The following NRXN3 variants were observed in gnomAD, a reference collection of about 807,000 sequenced individuals.
NRXN3 encodes neurexin 3, also known as neurexin III.
In NRXN3, 32 loss-of-function variants were observed where a neutral mutation model predicts 137.6. That is an observed-to-expected ratio of 0.23 (90% CI 0.18 to 0.31). The LOEUF (loss-of-function observed/expected upper bound fraction) is 0.31, where lower values mean the gene tolerates loss of function less well. NRXN3 is among the 10% of genes least tolerant of loss of function. The pLI is 1.00. For synonymous variants in NRXN3, 798 were observed against 784.5 expected (o/e 1.02, Z -0.29); for missense variants, 1,574 against 2,062.5 (o/e 0.76, Z 4.59).
At chr14:79,643,915 T>C (rs2098443372) in intron 16 of NRXN3, among the ~76,000 whole-genome samples, 1 of 135,898 alleles carries the variant, frequency 7.4e-6, no homozygotes. Flanking sequence ...TTGACAGCTA[T>C]TTTGACTATG....
chr14:78,744,576 C>T (rs2098598517), intron 8 of NRXN3: 1 of 152,160 alleles, frequency 6.6e-6, no homozygotes, highest in Admixed American at 6.5e-5. Context: ...ACATTATTCC[C>T]ATTTTATAGA....
intron 4 of NRXN3, among the ~76,000 whole-genome samples, chr14:78,327,087 TTAA>T (rs1226671409): frequency 6.6e-6 from 1 of 152,188 alleles, no homozygotes; most frequent in East Asian, 1.9e-4. Context: ...AATATTATTA[TTAA>T]GTGAACTAAT....
intron 16 of NRXN3, among the ~76,000 whole-genome samples, chr14:79,596,679 G>A (rs2097861857): frequency 6.6e-6 from 1 of 152,130 alleles, no homozygotes; most frequent in South Asian, 2.1e-4. Context: ...AATTTATGGT[G>A]GGGTTGGAAT....
At chr14:79,746,037 G>A (rs1042632885) in intron 19 of NRXN3, among the ~76,000 whole-genome samples, 9 of 152,054 alleles carry the variant, frequency 5.9e-5, no homozygotes, top group African/African-American at 1.4e-4. Context: ...CTGAGGTAGC[G>A]GGGATTAGAA....
At chr14:79,641,333 G>T (rs1483259221) in intron 16 of NRXN3, among the ~76,000 whole-genome samples, 1 of 135,246 alleles carries the variant, frequency 7.4e-6, no homozygotes, top group Non-Finnish European at 1.7e-5. Flanking sequence ...AGTAAAAGTT[G>T]CATGGTCGTT....
At chr14:78,213,933 T>C (rs748416535) in intron 1 of NRXN3, among the ~76,000 whole-genome samples, 3 of 152,236 alleles carry the variant, frequency 2.0e-5, no homozygotes, top group African/African-American at 4.8e-5. Flanking sequence ...GCTCAGCTCA[T>C]GTGAGCATGT....
chr14:78,900,538 T>A (rs890855447), intron 10 of NRXN3, among the ~76,000 whole-genome samples: 1 of 151,858 alleles, frequency 6.6e-6, no homozygotes, highest in Non-Finnish European at 1.5e-5. Context: ...GAAATCCTTT[T>A]CTCTCTCTTC....
At chr14:79,441,032 T>G (rs1031019442) in intron 15 of NRXN3, among the ~76,000 whole-genome samples, 11 of 152,216 alleles carry the variant, frequency 7.2e-5, no homozygotes, top group Non-Finnish European at 1.0e-4. Flanking sequence ...CTCTGATAAT[T>G]GACCAATGTG....
intron 15 of NRXN3, among the ~76,000 whole-genome samples, chr14:79,076,977 A>G (rs932324101): frequency 1.3e-5 from 2 of 152,078 alleles, no homozygotes; most frequent in Admixed American, 1.3e-4. Flanking sequence ...AAAAACAAAG[A>G]GTCTCTCTGT....
chr14:78,191,741 A>G (rs1377793264), intron 1 of NRXN3, among the ~76,000 whole-genome samples: 1 of 152,154 alleles, frequency 6.6e-6, no homozygotes, highest in Admixed American at 6.5e-5. Context: ...TGAGATGGAA[A>G]TGATGGGGGA....
At chr14:79,528,562 C>T (rs1171653860) in intron 16 of NRXN3, among the ~76,000 whole-genome samples, 1 of 151,604 alleles carries the variant, frequency 6.6e-6, no homozygotes, top group Non-Finnish European at 1.5e-5. Flanking sequence ...TATGTATATA[C>T]AGTATATTCA....
chr14:79,156,213 C>T (rs760248822), intron 15 of NRXN3, among the ~76,000 whole-genome samples: 2 of 151,732 alleles, frequency 1.3e-5, no homozygotes, highest in Admixed American at 6.6e-5. Context: ...TTAGAGTAAC[C>T]GTTTTACAGA....
chr14:79,343,537 T>C (rs1433247889), intron 15 of NRXN3, among the ~76,000 whole-genome samples: 1 of 152,086 alleles, frequency 6.6e-6, no homozygotes, highest in African/African-American at 2.4e-5. Flanking sequence ...CCTAGAGCAT[T>C]TTTTTCTTTC....
chr14:78,346,957 G>A (rs2082822061), intron 4 of NRXN3, among the ~76,000 whole-genome samples: 1 of 152,208 alleles, frequency 6.6e-6, no homozygotes, highest in Non-Finnish European at 1.5e-5. Context: ...AAGGGTGATG[G>A]ATGGTGTGGG....
At position 79,865,176 on chromosome 14, in the gene NRXN3, T is replaced by TA. The variant is rs1191302812; in HGVS notation, c.*3212_*3213insA. 6.6e-6 allele frequency: 1 copy of TA among 152,194 alleles called. No homozygotes were observed. Among genetic ancestry groups the TA allele is most frequent in the Non-Finnish European group, 1.5e-5 (1 of 68,028 alleles). 9.4% of individuals were successfully genotyped at this position (152,194 alleles called of 1,614,324 possible). On this transcript the variant is annotated 3_prime_UTR_variant, in exon 21 of 21. Coordinates refer to ENST00000335750, the MANE Select transcript of NRXN3 (RefSeq NM_001330195.2). ...AAGCACTAGAAAGTCTTAGATGTCTTCTTTCCAAGCCTCCCACCATATTAA... is the reference window on the plus strand; with the variant it reads ...AAGCACTAGAAAGTCTTAGATGTCTTACTTTCCAAGCCTCCCACCATATTAA...
chr14:79,631,227 A>G (rs1315277916), intron 16 of NRXN3, among the ~76,000 whole-genome samples: 1 of 152,250 alleles, frequency 6.6e-6, no homozygotes, highest in Admixed American at 6.5e-5. Context: ...ATTATAGTCA[A>G]TTGCCAACAG....
intron 16 of NRXN3, among the ~76,000 whole-genome samples, chr14:79,496,628 T>C (rs1358408050): frequency 6.6e-6 from 1 of 152,194 alleles, no homozygotes; most frequent in Non-Finnish European, 1.5e-5. Flanking sequence ...ATAGTGTGTT[T>C]AGATTGATGG....
chr14:79,679,360 A>G (rs1198984894), intron 17 of NRXN3, among the ~76,000 whole-genome samples: 1 of 152,186 alleles, frequency 6.6e-6, no homozygotes, highest in Non-Finnish European at 1.5e-5. Context: ...CATGTTCCTC[A>G]GATAGCCAAG....
intron 15 of NRXN3, among the ~76,000 whole-genome samples, chr14:79,244,290 A>T (rs1180120009): frequency 6.6e-6 from 1 of 152,134 alleles, no homozygotes; most frequent in Non-Finnish European, 1.5e-5. Flanking sequence ...GCTCCCTGAC[A>T]TCTAAAATGG....
Sources: gnomAD v4.1 joint callset for allele counts (sites outside exome capture counted in the v4.1 genomes callset) on GRCh38, gnomAD v4.1.1 for gene constraint, MANE v1.5 for transcripts, NCBI Gene and HGNC (gene_info 2026-07-23, HGNC 2026-07-21) for gene names.